Variants in CEP85L observed in about 807,000 individuals in gnomAD.
The protein encoded by CEP85L is centrosomal protein of 85 kDa-like.
CEP85L carries 60 observed loss-of-function variants against 100.3 expected under a neutral mutation model. That is an observed-to-expected ratio of 0.60 (90% confidence interval 0.49 to 0.74). The LOEUF (loss-of-function observed/expected upper bound fraction) is 0.74. Among genes scored for constraint, CEP85L ranks in the 30% least tolerant of loss-of-function variants. The probability of loss-of-function intolerance (pLI) is 0.00; values close to 1 mark genes in which losing one functional copy is unlikely to be tolerated. For synonymous variants in CEP85L, 319 were observed against 322.7 expected (o/e 0.99, Z 0.12); for missense variants, 973 against 936.2 (o/e 1.04, Z -0.51).
chr6:118,680,306 CTTTTTTTTTTTTT>C (rs57764027), intron 1 of CEP85L, among the ~76,000 whole-genome samples: 2 of 56,172 alleles, frequency 3.6e-5, no homozygotes, highest in Admixed American at 2.8e-4. Flanking sequence ...CTTGGTGTTG[CTTTTTTTTTTTTT>C]TTTTTTTTTT....
intron 4 of CEP85L, among the ~76,000 whole-genome samples, chr6:118,522,076 T>A (rs1415583931): frequency 6.6e-6 from 1 of 152,088 alleles, no homozygotes; most frequent in Non-Finnish European, 1.5e-5. Context: ...AGTATTAATT[T>A]CAGGCCGGGC....
Position 118,481,862 on chromosome 6 carries a change from C to A in CEP85L, c.1662G>T (p.Glu554Asp), listed in dbSNP as rs1254921071. ...ALIDTEKKLEEIKKQCQDKET... is the reference protein window; with the variant it reads ...ALIDTEKKLEDIKKQCQDKET... Reference sequence around the variant, plus strand: ...CTTTATCTTGACACTGCTTTTTGATCTCTTCAAGTTTTTTTTCTGTATCTA... The same window carrying A: ...CTTTATCTTGACACTGCTTTTTGATATCTTCAAGTTTTTTTTCTGTATCTA... The change falls in exon 8 of 13, where the codon GAG (glutamate) becomes GAT (aspartate). Residue 554 changes from glutamate (E) to aspartate (D), a missense_variant. Glu to Asp is a conservative substitution (Grantham distance 45). Around this residue, in one of 3 missense-constraint regions of CEP85L, gnomAD observed 890 missense variants for 844.5 expected, o/e 1.05. Transcript: ENST00000368491. The A allele has an allele frequency of 6.3e-7, 1 of 1,592,084 alleles. No individual in the cohort carries two copies. The highest frequency in any genetic ancestry group is 2.3e-5 in the East Asian group (1 of 44,242).
At chr6:118,615,081 G>A (rs1014781040) in intron 2 of CEP85L, among the ~76,000 whole-genome samples, 36 of 151,834 alleles carry the variant, frequency 2.4e-4, no homozygotes, top group East Asian at 1.9e-4. Context: ...ACTATACAAC[G>A]CTGATGAGCA....
At chr6:118,514,068 T>C (rs974213186) in intron 4 of CEP85L, among the ~76,000 whole-genome samples, 8 of 152,186 alleles carry the variant, frequency 5.3e-5, no homozygotes, top group Non-Finnish European at 1.0e-4. Flanking sequence ...TACTTGAAGA[T>C]AGACTGCTAT....
Position 118,638,110 on chromosome 6 carries a change from A to G in CEP85L, c.74-5499T>C, listed in dbSNP as rs376543628. On this transcript the variant is annotated intron_variant, in intron 1 of 12. Transcript: ENST00000368491. ...CTATTAGGCAATATACATCATGTGT[A>G]GCACATGCCTGTAATACCAGCTACT... is the stretch of plus-strand genomic sequence containing the variant. Among the ~76,000 whole-genome samples, 303 of 150,930 alleles carry G rather than the reference A, an allele frequency of 2.0e-3. 10 individuals are homozygous for G. The South Asian group carries it at 0.06, about 30-fold the overall frequency.
chr6:118,489,694 G>T (rs1198859731), intron 6 of CEP85L, among the ~76,000 whole-genome samples: 1 of 152,148 alleles, frequency 6.6e-6, no homozygotes, highest in African/African-American at 2.4e-5. Flanking sequence ...ACACTTGGTG[G>T]AAATGTAGAA....
rs2496350 is a variant in CEP85L, at chr6:118,479,778, G to A, written c.1914+93C>T. The A allele has an allele frequency of 7.2e-3, 4,063 of 562,016 alleles. 125 individuals carry two copies. Among genetic ancestry groups the A allele is most frequent in the African/African-American group, 0.069 (3,451 of 50,118 alleles). 34.8% of individuals were successfully genotyped at this position (562,016 alleles called of 1,614,324 possible). A position where few individuals can be genotyped will look rare whatever the true frequency, so the allele number is the denominator to read the frequency against. ...TGCTATAAATATTATCTTTCCATAC[G>A]ATATATGCATGCTTTAATATTTTCA... On this transcript the variant is annotated intron_variant, in intron 10 of 12. Coordinates refer to ENST00000368491, the MANE Select transcript of CEP85L (RefSeq NM_001042475.3).
At position 118,498,635 on chromosome 6, in the gene CEP85L, A is replaced by AAAAGGGAGG. The variant is rs1268708303; in HGVS notation, c.1258-6779_1258-6771dup. ...AAATAGAGAGAGAGAAAGGAAAGGA[A>AAAAGGGAGG]AAAGGGAGGAAAGGGAGGAAAGGGA... is the stretch of plus-strand genomic sequence containing the variant. On this transcript the variant is annotated intron_variant, in intron 5 of 12. Transcript: ENST00000368491. 3.5e-3 allele frequency among the ~76,000 whole-genome samples: 536 copies of AAAAGGGAGG among 151,216 alleles called. 3 individuals carry two copies. The highest frequency in any genetic ancestry group is 0.012 in the African/African-American group (512 of 41,138).
At chr6:118,678,360 C>A (rs1257186311) in intron 1 of CEP85L, among the ~76,000 whole-genome samples, 3 of 152,132 alleles carry the variant, frequency 2.0e-5, no homozygotes, top group Admixed American at 6.5e-5. Context: ...TTGGGTAATG[C>A]TACAATTTGA....
At chr6:118,522,229 G>A (rs1049894348) in intron 4 of CEP85L, among the ~76,000 whole-genome samples, 10 of 152,010 alleles carry the variant, frequency 6.6e-5, no homozygotes, top group African/African-American at 9.7e-5. Context: ...GCGTGACGGC[G>A]CATGGCTGTA....
At chr6:118,472,545 T>TTTAAAAGATATCTTATG (rs569328229) in intron 10 of CEP85L, among the ~76,000 whole-genome samples, 142 of 152,290 alleles carry the variant, frequency 9.3e-4, no homozygotes, top group African/African-American at 3.3e-3. Context: ...TTAAGATATG[T>TTTAAAAGATATCTTATG]TTAAAAGATA....
intron 1 of CEP85L, among the ~76,000 whole-genome samples, chr6:118,679,822 T>A (rs531243058): frequency 6.6e-6 from 1 of 152,192 alleles, no homozygotes; most frequent in Non-Finnish European, 1.5e-5. Context: ...ATCACATTTT[T>A]TTTTAACTAC....
At chr6:118,624,789 G>A (rs1338694889) in intron 2 of CEP85L, among the ~76,000 whole-genome samples, 1 of 152,206 alleles carries the variant, frequency 6.6e-6, no homozygotes, top group Non-Finnish European at 1.5e-5. Flanking sequence ...TGAGAGAGGT[G>A]TCCAGGATAA....
At position 118,512,189 on chromosome 6, in the gene CEP85L, AGC is replaced by A. The variant is rs536050073; in HGVS notation, c.1140-776_1140-775del. 2.5e-3 allele frequency among the ~76,000 whole-genome samples: 383 copies of A among 152,268 alleles called. 1 individual carries two copies. The highest frequency in any genetic ancestry group is 4.0e-3 in the Non-Finnish European group (273 of 68,018). On this transcript the variant is annotated intron_variant, in intron 4 of 12. Coordinates refer to ENST00000368491, the MANE Select transcript of CEP85L (RefSeq NM_001042475.3). ...GCACTTCCTGCTGAGAGAGTTTTCAAGCCCCAGCACAGGAATGGTGGTCTCCC... is the reference window on the plus strand; with the variant it reads ...GCACTTCCTGCTGAGAGAGTTTTCAACCCAGCACAGGAATGGTGGTCTCCC...
intron 1 of CEP85L, among the ~76,000 whole-genome samples, chr6:118,636,186 A>G (rs1774482455): frequency 6.6e-6 from 1 of 152,214 alleles, no homozygotes; most frequent in Admixed American, 6.5e-5. Context: ...CAGACTCCTG[A>G]GATGTGGTAA....
At position 118,651,576 on chromosome 6, in the gene CEP85L, CA is replaced by C; in HGVS notation, c.-308del. On this transcript the variant is annotated 5_prime_UTR_variant, in exon 1 of 13. Transcript: ENST00000368491. ...GGCTCAAAGGCTCCAGGCGAAGTTGCAGCTGCGGGTTCTCTCCGCCCCCTCC... is the reference window on the plus strand; with the variant it reads ...GGCTCAAAGGCTCCAGGCGAAGTTGCGCTGCGGGTTCTCTCCGCCCCCTCC... 1 of 1,154,944 alleles carries C rather than the reference CA, an allele frequency of 8.7e-7. No individual in the cohort carries two copies. The highest frequency in any genetic ancestry group is 1.1e-6 in the Non-Finnish European group (1 of 938,536). The allele number at this position is 1,154,944 out of a possible 1,614,324, so 71.5% of individuals were successfully genotyped here. A position where few individuals can be genotyped will look rare whatever the true frequency, so the allele number is the denominator to read the frequency against.
intron 2 of CEP85L, among the ~76,000 whole-genome samples, chr6:118,580,487 GCT>G (rs1780509334): frequency 6.6e-6 from 1 of 152,222 alleles, no homozygotes; most frequent in African/African-American, 2.4e-5. Context: ...CTGCTGGTTA[GCT>G]ACACTTATCG....
chr6:118,470,856 A>G (rs12203556), intron 10 of CEP85L, among the ~76,000 whole-genome samples: 2,032 of 152,264 alleles, frequency 0.013, 25 homozygotes, highest in Admixed American at 0.021. Flanking sequence ...CTGGTTTCCC[A>G]GAATACATTT....
At position 118,538,095 on chromosome 6, in the gene CEP85L, G is replaced by A. The variant is rs575880298; in HGVS notation, c.1021-14175C>T. 1.8e-4 allele frequency: 52 copies of A among 281,596 alleles called. No homozygotes were observed. In the South Asian group the frequency reaches 5.3e-3, roughly 28 times the overall value. 17.4% of individuals were successfully genotyped at this position (281,596 alleles called of 1,614,324 possible). ...ACTGTGCACTTAATATAAAATCTAC[G>A]TCTTAACTAAGCCCATGTAATTATT... On this transcript the variant is annotated intron_variant, in intron 3 of 12. Coordinates refer to ENST00000368491, the MANE Select transcript of CEP85L (RefSeq NM_001042475.3).
Sources: allele counts gnomAD v4.1 joint callset (sites outside exome capture counted in the v4.1 genomes callset), GRCh38; gene constraint gnomAD v4.1.1; regional missense constraint gnomAD v4.1.1; transcripts MANE v1.5; gene names NCBI Gene and HGNC (gene_info 2026-07-23, HGNC 2026-07-21).